SGCZ: variants seen among roughly 807,000 people sequenced by gnomAD.
SGCZ encodes sarcoglycan zeta, also known as zeta-sarcoglycan.
In SGCZ, 40 loss-of-function variants were observed where a neutral mutation model predicts 41.3. The ratio of observed to expected loss-of-function variants is 0.97; its 90% CI spans 0.75 to 1.26. The LOEUF is 1.26. Among genes scored for constraint, SGCZ ranks in the 50% most tolerant of loss-of-function variants. The pLI, the probability that SGCZ is intolerant of heterozygous loss-of-function variation, is 0.00. For missense variants in SGCZ, 552 were observed against 369.8 expected (o/e 1.49, Z -4.04); for synonymous variants, 206 against 137.5 (o/e 1.50, Z -3.49).
chr8:14,170,360 C>G (rs1356369125), intron 4 of SGCZ, among the ~76,000 whole-genome samples: 1 of 152,042 alleles, frequency 6.6e-6, no homozygotes, highest in Non-Finnish European at 1.5e-5. Context: ...CAAACCTGAT[C>G]TTAATGGCAT....
intron 1 of SGCZ, among the ~76,000 whole-genome samples, chr8:14,925,162 C>T (rs552372190): frequency 2.8e-4 from 43 of 152,078 alleles, no homozygotes; most frequent in Non-Finnish European, 6.0e-4. Context: ...CCAGCCAAGA[C>T]ATTTTCTTTA....
At chr8:14,667,344 T>G (rs1807942677) in intron 1 of SGCZ, among the ~76,000 whole-genome samples, 1 of 152,158 alleles carries the variant, frequency 6.6e-6, no homozygotes, top group South Asian at 2.1e-4. Flanking sequence ...TACAGGGTTT[T>G]TCATAACACA....
chr8:14,265,813 G>C (rs1799848162), intron 3 of SGCZ, among the ~76,000 whole-genome samples: 2 of 151,042 alleles, frequency 1.3e-5, no homozygotes, highest in African/African-American at 4.9e-5. Context: ...AGAAATCCTA[G>C]ACTTGAAAAT....
intron 1 of SGCZ, among the ~76,000 whole-genome samples, chr8:15,017,252 A>G (rs1046696691): frequency 6.6e-6 from 1 of 152,032 alleles, no homozygotes; most frequent in South Asian, 2.1e-4. Context: ...ATATGAGAGA[A>G]TTTTTATATA....
intron 1 of SGCZ, among the ~76,000 whole-genome samples, chr8:14,626,992 AG>A (rs1402048182): frequency 1.3e-5 from 2 of 152,226 alleles, no homozygotes; most frequent in Non-Finnish European, 2.9e-5. Flanking sequence ...TGGTAAAAAA[AG>A]CACATGATAG....
At position 14,545,600 on chromosome 8, in the gene SGCZ, A is replaced by C. The variant is rs150493493; in HGVS notation, c.234+9132T>G. Reference sequence around the variant, plus strand: ...ATGGAGATGACACACATATTTCATAAAGTTCAATGTGTTTAATCTACTTTA... The same window carrying C: ...ATGGAGATGACACACATATTTCATACAGTTCAATGTGTTTAATCTACTTTA... On this transcript the variant is annotated intron_variant, in intron 2 of 7. Coordinates refer to ENST00000382080, the MANE Select transcript of SGCZ (RefSeq NM_139167.4). 3.4e-3 allele frequency among the ~76,000 whole-genome samples: 522 copies of C among 152,258 alleles called. 3 individuals carry two copies. Among genetic ancestry groups the C allele is most frequent in the African/African-American group, 0.012 (484 of 41,548 alleles).
intron 1 of SGCZ, among the ~76,000 whole-genome samples, chr8:14,773,929 T>C (rs1800322876): frequency 6.6e-6 from 1 of 152,210 alleles, no homozygotes. Flanking sequence ...CAGGCAATTA[T>C]TTTTTATCTG....
intron 2 of SGCZ, among the ~76,000 whole-genome samples, chr8:14,436,764 A>G (rs1800105904): frequency 6.6e-6 from 1 of 152,212 alleles, no homozygotes; most frequent in Non-Finnish European, 1.5e-5. Context: ...GAATATTTGC[A>G]AAGCATTTCT....
At chr8:14,406,692 A>G (rs550149086) in intron 2 of SGCZ, among the ~76,000 whole-genome samples, 3 of 145,698 alleles carry the variant, frequency 2.1e-5, no homozygotes, top group African/African-American at 8.0e-5. Flanking sequence ...TGCCAGGGCA[A>G]TCCCTGAAAA....
At chr8:15,014,117 A>G (rs1376295747) in intron 1 of SGCZ, among the ~76,000 whole-genome samples, 2 of 152,232 alleles carry the variant, frequency 1.3e-5, no homozygotes, top group African/African-American at 2.4e-5. Flanking sequence ...TAAACAGTCC[A>G]AAGGTGAGTG....
chr8:14,665,139 T>C (rs1269636381), intron 1 of SGCZ, among the ~76,000 whole-genome samples: 1 of 152,148 alleles, frequency 6.6e-6, no homozygotes, highest in Admixed American at 6.5e-5. Context: ...ATTAGGTATA[T>C]CTCCTAATGC....
At chr8:15,102,418 T>C (rs1186589574) in intron 1 of SGCZ, among the ~76,000 whole-genome samples, 4 of 152,120 alleles carry the variant, frequency 2.6e-5, no homozygotes, top group Non-Finnish European at 4.4e-5. Flanking sequence ...GCAGTGAAAC[T>C]AACCTGTATG....
chr8:15,226,753 G>A (rs1184515296), intron 1 of SGCZ, among the ~76,000 whole-genome samples: 1 of 152,184 alleles, frequency 6.6e-6, no homozygotes, highest in African/African-American at 2.4e-5. Context: ...CAGCCTCACT[G>A]CAAGAAATAC....
At chr8:14,890,536 T>A (rs1465651670) in intron 1 of SGCZ, among the ~76,000 whole-genome samples, 4 of 152,144 alleles carry the variant, frequency 2.6e-5, no homozygotes, top group African/African-American at 9.7e-5. Context: ...AGTTTGAAGC[T>A]AGAATAAGTT....
At chr8:14,808,778 C>G (rs1479902457) in intron 1 of SGCZ, among the ~76,000 whole-genome samples, 1 of 151,842 alleles carries the variant, frequency 6.6e-6, no homozygotes, top group Admixed American at 6.6e-5. Flanking sequence ...GACACATGCA[C>G]ACGTATGTTT....
At chr8:14,580,085 G>C (rs1171126720) in intron 1 of SGCZ, among the ~76,000 whole-genome samples, 1 of 152,142 alleles carries the variant, frequency 6.6e-6, no homozygotes, top group Non-Finnish European at 1.5e-5. Flanking sequence ...CACAAAGACA[G>C]TATGAAGGAA....
chr8:15,016,999 C>G (rs2130936002), intron 1 of SGCZ, among the ~76,000 whole-genome samples: 1 of 152,258 alleles, frequency 6.6e-6, no homozygotes, highest in South Asian at 2.1e-4. Flanking sequence ...GGATCCACCC[C>G]CATGACCCAA....
chr8:14,525,426 A>G (rs1182091559), intron 2 of SGCZ, among the ~76,000 whole-genome samples: 1 of 152,178 alleles, frequency 6.6e-6, no homozygotes, highest in African/African-American at 2.4e-5. Context: ...AAAGATTATT[A>G]TGTATGTTAT....
intron 3 of SGCZ, among the ~76,000 whole-genome samples, chr8:14,291,393 A>T (rs1800837708): frequency 6.6e-6 from 1 of 152,114 alleles, no homozygotes; most frequent in Non-Finnish European, 1.5e-5. Flanking sequence ...TACATGTAGT[A>T]GTGCATAAAT....
Sources: gnomAD v4.1 joint callset for allele counts (sites outside exome capture counted in the v4.1 genomes callset) on GRCh38, gnomAD v4.1.1 for gene constraint, MANE v1.5 for transcripts, NCBI Gene and HGNC (gene_info 2026-07-23, HGNC 2026-07-21) for gene names.